Variants in RPS6KC1 observed in about 807,000 individuals in gnomAD.
RPS6KC1 encodes the protein inactive ribosomal protein S6 kinase delta-1.
RPS6KC1 carries 54 observed loss-of-function variants against 103.8 expected under a neutral mutation model. That is an observed-to-expected ratio of 0.52 (90% confidence interval 0.42 to 0.65). The LOEUF (loss-of-function observed/expected upper bound fraction) is 0.65, where lower values mean the gene tolerates loss of function less well. Among genes scored for constraint, RPS6KC1 ranks in the 30% least tolerant of loss-of-function variants. RPS6KC1 has a pLI of 0.00. For synonymous variants in RPS6KC1, 439 were observed against 438.7 expected, an observed-to-expected ratio of 1.00 and a Z score of -0.01; for missense variants, 1,151 against 1,253.8, an observed-to-expected ratio of 0.92 and a Z score of 1.24.
the RPS6KC1 span, among the ~76,000 whole-genome samples, chr1:213,555,844 A>T: frequency 1.3e-5 from 2 of 152,166 alleles, no homozygotes; most frequent in Non-Finnish European, 2.9e-5. Flanking sequence ...TTCCACTTCT[A>T]ACCCTTTTCC....
At chr1:213,513,431 G>T in the RPS6KC1 span, among the ~76,000 whole-genome samples, 3 of 150,008 alleles carry the variant, frequency 2.0e-5, no homozygotes, top group Non-Finnish European at 4.4e-5. Context: ...ACCCAAGGTG[G>T]TCAGGGGACT....
the RPS6KC1 span, among the ~76,000 whole-genome samples, chr1:213,296,480 C>G: frequency 1.3e-5 from 2 of 152,130 alleles, no homozygotes; most frequent in Non-Finnish European, 2.9e-5. Flanking sequence ...ATTCTCTATC[C>G]TCATCAGAGT....
chr1:213,565,959 C>CAA, the RPS6KC1 span, among the ~76,000 whole-genome samples: 174 of 64,374 alleles, frequency 2.7e-3, 1 homozygote, highest in Middle Eastern at 0.012. Context: ...AACTCCATCT[C>CAA]AAAAAAAAAA....
the RPS6KC1 span, among the ~76,000 whole-genome samples, chr1:213,408,124 G>T: frequency 6.2e-3 from 947 of 152,286 alleles, 12 homozygotes; most frequent in African/African-American, 0.021. Flanking sequence ...AATGTACCTG[G>T]CTCTCTCTTA....
the RPS6KC1 span, among the ~76,000 whole-genome samples, chr1:213,529,121 T>C: frequency 5.3e-5 from 8 of 151,642 alleles, no homozygotes; most frequent in Admixed American, 2.0e-4. Flanking sequence ...CATGAATCAA[T>C]TAACACAAAG....
chr1:213,086,009 A>G (rs1358912902), intron 3 of RPS6KC1, among the ~76,000 whole-genome samples: 1 of 152,142 alleles, frequency 6.6e-6, no homozygotes, highest in Non-Finnish European at 1.5e-5. Flanking sequence ...CTGCCCTGAA[A>G]TCTACCATTT....
the RPS6KC1 span, among the ~76,000 whole-genome samples, chr1:213,564,869 A>C: frequency 6.6e-6 from 1 of 152,292 alleles, no homozygotes; most frequent in African/African-American, 2.4e-5. Context: ...TAAGTTACTG[A>C]TATAGCTTTA....
the RPS6KC1 span, among the ~76,000 whole-genome samples, chr1:213,853,905 C>T: frequency 1.3e-5 from 2 of 152,158 alleles, no homozygotes; most frequent in African/African-American, 4.8e-5. Context: ...CTTGTCCTCA[C>T]CACAAATAAC....
the RPS6KC1 span, among the ~76,000 whole-genome samples, chr1:213,842,486 ATACT>A: frequency 6.6e-6 from 1 of 152,160 alleles, no homozygotes; most frequent in African/African-American, 2.4e-5. Context: ...GACTTGTCAA[ATACT>A]TACCTGGTTG....
At chr1:213,389,235 T>C in the RPS6KC1 span, among the ~76,000 whole-genome samples, 1 of 152,048 alleles carries the variant, frequency 6.6e-6, no homozygotes. Flanking sequence ...ACCGAGCTAT[T>C]GTAGGGGTAT....
the RPS6KC1 span, among the ~76,000 whole-genome samples, chr1:213,752,188 G>A: frequency 6.6e-6 from 1 of 152,138 alleles, no homozygotes; most frequent in Non-Finnish European, 1.5e-5. Flanking sequence ...TCAGAAGCAG[G>A]TTCTGTTGGG....
At chr1:213,680,810 A>G in the RPS6KC1 span, among the ~76,000 whole-genome samples, 6 of 152,196 alleles carry the variant, frequency 3.9e-5, no homozygotes, top group South Asian at 2.1e-4. Context: ...TCTGCATGGG[A>G]AAAAACCAGA....
At chr1:213,149,400 C>G (rs923729591) in intron 6 of RPS6KC1, among the ~76,000 whole-genome samples, 2 of 152,168 alleles carry the variant, frequency 1.3e-5, no homozygotes, top group Non-Finnish European at 2.9e-5. Context: ...TCTTCATTTA[C>G]TCACTGGTCA....
chr1:213,242,332 C>T (rs773141824), intron 11 of RPS6KC1, 35 bp downstream of exon 11: 19 of 1,605,806 alleles, frequency 1.2e-5, no homozygotes, highest in Admixed American at 1.7e-5. Context: ...TCTTTTTATT[C>T]GCTGTTGCTT....
the RPS6KC1 span, among the ~76,000 whole-genome samples, chr1:213,765,240 G>A: frequency 2.0e-5 from 3 of 152,174 alleles, no homozygotes; most frequent in Admixed American, 1.3e-4. Context: ...CTCCCTTTCT[G>A]ATTAGGGAGA....
At chr1:213,677,827 GGAACCTTGTA>G in the RPS6KC1 span, among the ~76,000 whole-genome samples, 13 of 152,022 alleles carry the variant, frequency 8.6e-5, no homozygotes, top group African/African-American at 2.9e-4. Flanking sequence ...CCAAGATGGT[GGAACCTTGTA>G]TCTACTAAAA....
intron 8 of RPS6KC1, among the ~76,000 whole-genome samples, chr1:213,198,834 TTA>T (rs1347230017): frequency 1.3e-5 from 2 of 152,268 alleles, no homozygotes; most frequent in South Asian, 2.1e-4. Flanking sequence ...TTCTAACTCA[TTA>T]TATGAGGCCA....
the RPS6KC1 span, among the ~76,000 whole-genome samples, chr1:213,721,802 T>C: frequency 6.6e-6 from 1 of 152,144 alleles, no homozygotes; most frequent in African/African-American, 2.4e-5. Flanking sequence ...AAATCCATGG[T>C]ATGTGTTGGA....
chr1:213,780,144 G>T, the RPS6KC1 span, among the ~76,000 whole-genome samples: 275 of 152,312 alleles, frequency 1.8e-3, 2 homozygotes, highest in Middle Eastern at 3.4e-3. Context: ...AACGCAGAAA[G>T]AAGAATCAAG....
Sources: gnomAD v4.1 joint callset for allele counts (sites outside exome capture counted in the v4.1 genomes callset) on GRCh38, gnomAD v4.1.1 for gene constraint, MANE v1.5 for transcripts, NCBI Gene and HGNC (gene_info 2026-07-23, HGNC 2026-07-21) for gene names.